The following LINGO2 variants were observed in gnomAD, a reference collection of about 807,000 sequenced individuals.
The protein encoded by LINGO2 is leucine-rich repeat and immunoglobulin-like domain-containing nogo receptor-interacting protein 2.
A neutral mutation model predicts 30.6 loss-of-function variants in LINGO2; 14 were observed. That is an observed-to-expected ratio of 0.46 (90% CI 0.30 to 0.72). The LOEUF (loss-of-function observed/expected upper bound fraction) is 0.72, where lower values mean the gene tolerates loss of function less well. Among genes scored for constraint, LINGO2 ranks in the 30% least tolerant of loss-of-function variants. The probability of loss-of-function intolerance (pLI) is 0.07; values close to 1 mark genes in which losing one functional copy is unlikely to be tolerated. For synonymous variants in LINGO2, 317 were observed against 288.5 expected, an observed-to-expected ratio of 1.10 and a Z score of -1.00; for missense variants, 729 against 751.7, an observed-to-expected ratio of 0.97 and a Z score of 0.35.
chr9:28,019,514 TAATAA>T (rs1823009620), intron 4 of LINGO2, among the ~76,000 whole-genome samples: 1 of 152,078 alleles, frequency 6.6e-6, no homozygotes, highest in Non-Finnish European at 1.5e-5. Flanking sequence ...AAGAATATTG[TAATAA>T]TATAATCAGG....
chr9:28,089,095 G>C (rs1430206554), intron 4 of LINGO2, among the ~76,000 whole-genome samples: 3 of 152,114 alleles, frequency 2.0e-5, no homozygotes, highest in Non-Finnish European at 4.4e-5. Flanking sequence ...AAGAGACTTA[G>C]ACTCCCACAC....
chr9:28,084,103 T>G (rs1207750482), intron 4 of LINGO2, among the ~76,000 whole-genome samples: 1 of 152,142 alleles, frequency 6.6e-6, no homozygotes, highest in African/African-American at 2.4e-5. Flanking sequence ...TTCTGTGCAT[T>G]CTATAAAGCA....
intron 1 of LINGO2, among the ~76,000 whole-genome samples, chr9:28,639,624 C>G (rs1005641860): frequency 2.0e-5 from 3 of 152,004 alleles, no homozygotes; most frequent in South Asian, 2.1e-4. Context: ...TCTGTTTTAT[C>G]AGAGACTAGG....
chr9:28,684,992 C>T, the LINGO2 span, among the ~76,000 whole-genome samples: 1 of 152,088 alleles, frequency 6.6e-6, no homozygotes, highest in African/African-American at 2.4e-5. Flanking sequence ...CAACCTCCAC[C>T]CTCAAGTAGG....
chr9:28,818,506 T>C, the LINGO2 span, among the ~76,000 whole-genome samples: 5 of 152,146 alleles, frequency 3.3e-5, no homozygotes, highest in Non-Finnish European at 5.9e-5. Context: ...TGCCTCAGCT[T>C]CCCTGGCAGC....
the LINGO2 span, among the ~76,000 whole-genome samples, chr9:28,782,597 A>G: frequency 1.4e-4 from 22 of 152,218 alleles, no homozygotes; most frequent in African/African-American, 5.1e-4. Flanking sequence ...ACAAAGAATA[A>G]TAAGTAGAGA....
chr9:27,964,809 T>C (rs1820017330), intron 5 of LINGO2, among the ~76,000 whole-genome samples: 1 of 152,060 alleles, frequency 6.6e-6, no homozygotes, highest in South Asian at 2.1e-4. Flanking sequence ...TCTGGATGAG[T>C]AAATCTCCAT....
the LINGO2 span, among the ~76,000 whole-genome samples, chr9:29,139,335 A>C: frequency 7.2e-5 from 11 of 152,198 alleles, no homozygotes; most frequent in Admixed American, 2.6e-4. Context: ...TGGCCTATGG[A>C]AACTCTGGGA....
At position 28,608,991 on chromosome 9, in the gene LINGO2, G is replaced by A. The variant is rs145957717; in HGVS notation, c.-365+61209C>T. On this transcript the variant is annotated intron_variant, in intron 1 of 5. Transcript: ENST00000379992. Reference sequence around the variant, plus strand: ...GATAAAACATTTGGGGCAGAAAAATGTTCTTGAAATAGTTACATAGCTTCA... The same window carrying A: ...GATAAAACATTTGGGGCAGAAAAATATTCTTGAAATAGTTACATAGCTTCA... 2.2e-4 allele frequency among the ~76,000 whole-genome samples: 33 copies of A among 151,972 alleles called. No individual in the cohort carries two copies. The East Asian group carries it at 6.2e-3, about 28-fold the overall frequency.
At chr9:29,117,285 A>G in the LINGO2 span, among the ~76,000 whole-genome samples, 1 of 152,144 alleles carries the variant, frequency 6.6e-6, no homozygotes, top group Non-Finnish European at 1.5e-5. Context: ...TTTACTGGTA[A>G]ATGGCTTTCA....
At chr9:28,528,372 G>A (rs1221052043) in intron 1 of LINGO2, among the ~76,000 whole-genome samples, 1 of 152,130 alleles carries the variant, frequency 6.6e-6, no homozygotes, top group Non-Finnish European at 1.5e-5. Context: ...GAGGTCTATG[G>A]TCTAGTTTCA....
At chr9:28,840,845 C>T in the LINGO2 span, among the ~76,000 whole-genome samples, 2 of 151,724 alleles carry the variant, frequency 1.3e-5, no homozygotes, top group Admixed American at 1.3e-4. Flanking sequence ...TTGGTTCATA[C>T]CCTTTACCTT....
intron 1 of LINGO2, among the ~76,000 whole-genome samples, chr9:28,521,583 A>G (rs957607960): frequency 1.3e-5 from 2 of 152,142 alleles, no homozygotes; most frequent in Non-Finnish European, 2.9e-5. Flanking sequence ...TTGGGGGAAA[A>G]TCCCCATAAT....
chr9:28,264,099 T>A (rs868706443), intron 4 of LINGO2, among the ~76,000 whole-genome samples: 23 of 151,730 alleles, frequency 1.5e-4, no homozygotes, highest in Admixed American at 2.0e-4. Flanking sequence ...AGCCATCAAA[T>A]CATCTTTGTA....
the LINGO2 span, among the ~76,000 whole-genome samples, chr9:29,159,417 T>C: frequency 4.6e-5 from 7 of 152,196 alleles, no homozygotes; most frequent in East Asian, 1.3e-3. Context: ...GACATACTAA[T>C]CAAGTTTAAT....
chr9:28,592,744 T>C (rs139164788), intron 1 of LINGO2, among the ~76,000 whole-genome samples: 48 of 152,080 alleles, frequency 3.2e-4, no homozygotes, highest in African/African-American at 1.1e-3. Flanking sequence ...GGAAAACACA[T>C]CTCCACATGC....
chr9:28,791,664 T>C, the LINGO2 span, among the ~76,000 whole-genome samples: 1 of 152,098 alleles, frequency 6.6e-6, no homozygotes, highest in East Asian at 1.9e-4. Context: ...AAAAAAGTAC[T>C]CTACTTTACT....
chr9:28,527,987 C>T lies in LINGO2; in HGVS notation c.-364-51962G>A, dbSNP rs146101764. Among the ~76,000 whole-genome samples the T allele has an allele frequency of 9.2e-4, 140 of 152,280 alleles. 5 individuals carry two copies. In the East Asian group the frequency reaches 0.024, roughly 26 times the overall value. ...TCATTTGCAACTTACTAGTTCCAAA[C>T]TAATTATCAGTAAATAATGTCAAAA... is the stretch of plus-strand genomic sequence containing the variant. On this transcript the variant is annotated intron_variant, in intron 1 of 5. Transcript: ENST00000379992.
chr9:29,212,189 GT>G, the LINGO2 span, among the ~76,000 whole-genome samples: 2 of 152,204 alleles, frequency 1.3e-5, no homozygotes, highest in East Asian at 3.9e-4. Flanking sequence ...TCGGACCTGC[GT>G]CCCCGCGGCG....
Sources: allele counts gnomAD v4.1 joint callset (sites outside exome capture counted in the v4.1 genomes callset), GRCh38; gene constraint gnomAD v4.1.1; transcripts MANE v1.5; gene names NCBI Gene and HGNC (gene_info 2026-07-23, HGNC 2026-07-21).